CROCC2: variants seen among roughly 807,000 people sequenced by gnomAD.
The protein encoded by CROCC2 is ciliary rootlet coiled-coil, rootletin family member 2, also known as ciliary rootlet coiled-coil protein 2.
CROCC2 carries 163 observed loss-of-function variants against 177.6 expected under a neutral mutation model. That is an observed-to-expected ratio of 0.92 (90% CI 0.81 to 1.05). The LOEUF is 1.05. Ranked by LOEUF, CROCC2 falls within the 50% of genes least tolerant of loss-of-function variation. The pLI is 0.00. For synonymous variants in CROCC2, 904 were observed against 787.3 expected, an observed-to-expected ratio of 1.15 and a Z score of -2.48; for missense variants, 1,929 against 1,797.8, an observed-to-expected ratio of 1.07 and a Z score of -1.32.
chr2:240,933,668 A>G lies in CROCC2; in HGVS notation c.1464-2A>G. 1.3e-6 allele frequency: 2 copies of G among 1,549,930 alleles called. No individual in the cohort carries two copies. The highest frequency in any genetic ancestry group is 1.7e-6 in the Non-Finnish European group (2 of 1,146,564). On this transcript the variant is annotated splice_acceptor_variant, in intron 10 of 31. Coordinates refer to ENST00000690015, the MANE Select transcript of CROCC2 (RefSeq NM_001351305.2). LOFTEE classifies it high-confidence loss of function. ...CCCCAACTCTGCCCCCACCATCCCC[A>G]GGGAGAAGGCTGCTCTGGAGATGGT...
In CROCC2 at chr2:240,963,936, A is replaced by C. The variant is rs902602132; in HGVS notation, c.3305+163A>C. The C allele has an allele frequency of 8.9e-5, 64 of 720,586 alleles. No homozygotes were observed. In the Admixed American group the frequency reaches 1.6e-3, roughly 18 times the overall value. 44.6% of individuals were successfully genotyped at this position (720,586 alleles called of 1,614,324 possible). A position where few individuals can be genotyped will look rare whatever the true frequency, so the allele number is the denominator to read the frequency against. On this transcript the variant is annotated intron_variant, in intron 21 of 31. Coordinates refer to ENST00000690015, the MANE Select transcript of CROCC2 (RefSeq NM_001351305.2). ...AAGCAGGCCTCCCGCTGCCCAGTCC[A>C]AGAGGTCTGCAATGCTGGCCAGTGC...
intron 5 of CROCC2, 88 bp downstream of exon 5, chr2:240,925,968 A>G (rs2059393341): frequency 4.8e-6 from 3 of 619,386 alleles, no homozygotes; most frequent in Admixed American, 2.6e-5. Flanking sequence ...GTGAGGGTGC[A>G]CTGGCTCAGT....
At chr2:240,913,275 C>A (rs1196296678) in intron 1 of CROCC2, among the ~76,000 whole-genome samples, 1 of 152,032 alleles carries the variant, frequency 6.6e-6, no homozygotes. Flanking sequence ...CCTTTGCTTC[C>A]ACAGCTCCCT....
At position 240,909,479 on chromosome 2, in the gene CROCC2, C is replaced by T. The variant is rs370565223; in HGVS notation, c.78+2888C>T. On this transcript the variant is annotated intron_variant, in intron 1 of 31. Coordinates refer to ENST00000690015, the MANE Select transcript of CROCC2 (RefSeq NM_001351305.2). The stretch of plus-strand genomic sequence containing the variant: ...TGGAGGCTGGAGAGCCAGCACACTA[C>T]GTTTGCAGGACACTTGCAGCCCTGT... Among the ~76,000 whole-genome samples the T allele has an allele frequency of 1.5e-4, 23 of 152,358 alleles. No homozygotes were observed. The South Asian group carries it at 3.3e-3, about 22-fold the overall frequency.
At chr2:240,929,032 A>G (rs1363566659) in intron 5 of CROCC2, among the ~76,000 whole-genome samples, 1 of 150,384 alleles carries the variant, frequency 6.6e-6, no homozygotes, top group African/African-American at 2.5e-5. Flanking sequence ...ATGGGCACAG[A>G]GGGGCATGCC....
intron 20 of CROCC2, 149 bp downstream of exon 20, chr2:240,959,593 G>A (rs2059617793): frequency 1.9e-6 from 2 of 1,061,498 alleles, no homozygotes; most frequent in Non-Finnish European, 2.6e-6. Flanking sequence ...CTAGGAAGAG[G>A]CAAACAGCCA....
At chr2:240,981,343 G>T (rs1212753924) in intron 27 of CROCC2, among the ~76,000 whole-genome samples, 2 of 152,206 alleles carry the variant, frequency 1.3e-5, no homozygotes, top group African/African-American at 4.8e-5. Context: ...TGGGGGAGAA[G>T]GGCTGGGGTT....
Position 240,906,547 on chromosome 2 carries a change from G to C in CROCC2, c.34G>C (p.Asp12His), listed in dbSNP as rs779056026. Residue 12 changes from aspartate (D) to histidine (H), a missense_variant, in exon 1 of 32, where the codon GAC (aspartate) becomes CAC (histidine). This residue lies in a region of CROCC2 where 1,397 missense variants were observed against 1,239.9 expected (regional missense o/e 1.13). Transcript: ENST00000690015. The part of the protein sequence containing the change: ...SSASSEPGNG[D>H]ASQQPLLGLD... The stretch of plus-strand genomic sequence containing the variant: ...TGCCTCCAGTGAGCCTGGCAATGGG[G>C]ACGCCTCCCAACAGCCCCTACTGGG... The C allele has an allele frequency of 3.3e-5, 13 of 399,054 alleles. No homozygotes were observed. The highest frequency in any genetic ancestry group is 5.7e-5 in the Non-Finnish European group (13 of 226,156). The allele number at this position is 399,054 out of a possible 1,614,324, so 24.7% of individuals were successfully genotyped here.
At chr2:240,962,362 G>C (rs1267187907) in intron 20 of CROCC2, among the ~76,000 whole-genome samples, 1 of 152,112 alleles carries the variant, frequency 6.6e-6, no homozygotes, top group South Asian at 2.1e-4. Flanking sequence ...TCTCCTCTGC[G>C]CTGGGAAATG....
Position 240,989,694 on chromosome 2 carries a change from T to C in CROCC2, c.4724T>C (p.Leu1575Pro), listed in dbSNP as rs1364666961. The C allele has an allele frequency of 5.8e-6, 9 of 1,549,722 alleles. No homozygotes were observed. The highest frequency in any genetic ancestry group is 7.9e-6 in the Non-Finnish European group (9 of 1,146,496). The change falls in exon 30 of 32, where the codon CTC becomes CCC. Residue 1575 changes from leucine (L) to proline (P), a missense_variant. Around this residue, in one of 3 missense-constraint regions of CROCC2, gnomAD observed 388 missense variants for 352.7 expected, o/e 1.10. Coordinates refer to ENST00000690015, the MANE Select transcript of CROCC2 (RefSeq NM_001351305.2). ...TEMEQAHTQR[L>P]QDLTAQHQRD... Reference sequence around the variant, plus strand: ...ATGGAGCAGGCCCACACCCAGCGGCTCCAGGACCTGACAGCTCAGCACCAG... The same window carrying C: ...ATGGAGCAGGCCCACACCCAGCGGCCCCAGGACCTGACAGCTCAGCACCAG...
At chr2:240,951,246 T>C (rs1453885119) in intron 18 of CROCC2, among the ~76,000 whole-genome samples, 1 of 149,538 alleles carries the variant, frequency 6.7e-6, no homozygotes, top group East Asian at 2.0e-4. Context: ...CATCCATCTG[T>C]CCATCCATTC....
chr2:240,918,676 G>A lies in CROCC2; in HGVS notation c.79-50G>A, dbSNP rs74000115. On this transcript the variant is annotated intron_variant, in intron 1 of 31. Transcript: ENST00000690015. This position sits in a 1 kb window ranked among gnomAD's most constrained non-coding sequence, Gnocchi z 6.3. ...TCAGTGGGATCGTAGAGGGTGCCTG[G>A]CAGCTGTTGGGGGCTGCCATCTCCA... 1,244 of 538,618 alleles carry A rather than the reference G, an allele frequency of 2.3e-3. 11 individuals are homozygous for A. In the African/African-American group the frequency reaches 0.023, roughly 10 times the overall value. 33.4% of individuals were successfully genotyped at this position (538,618 alleles called of 1,614,324 possible).
At chr2:240,935,950 A>T (rs1454841560) in intron 14 of CROCC2, among the ~76,000 whole-genome samples, 1 of 152,112 alleles carries the variant, frequency 6.6e-6, no homozygotes, top group Non-Finnish European at 1.5e-5. Flanking sequence ...CTGCACATTC[A>T]CTGGTGCCTC....
intron 20 of CROCC2, chr2:240,959,677 G>A (rs1272429326): frequency 2.4e-5 from 11 of 465,758 alleles, no homozygotes; most frequent in Admixed American, 3.9e-5. Context: ...ATGAAATGGT[G>A]CCTGGCCCAG....
intron 31 of CROCC2, 134 bp from the exon 32 acceptor site, chr2:240,992,932 G>A (rs2059889356): frequency 1.6e-6 from 1 of 625,484 alleles, no homozygotes; most frequent in Non-Finnish European, 3.0e-6. Flanking sequence ...CAGGGCGGGA[G>A]GGAGGAACAG....
intron 14 of CROCC2, among the ~76,000 whole-genome samples, chr2:240,936,536 T>C (rs1047465933): frequency 6.6e-6 from 1 of 152,244 alleles, no homozygotes; most frequent in African/African-American, 2.4e-5. Flanking sequence ...TCTTTTTAAC[T>C]GCATAGTTAT....
intron 14 of CROCC2, among the ~76,000 whole-genome samples, chr2:240,942,012 T>G (rs1169306906): frequency 6.6e-6 from 1 of 152,238 alleles, no homozygotes; most frequent in Non-Finnish European, 1.5e-5. Context: ...AGGCACAGCC[T>G]TGGAAGCAGA....
At position 240,968,166 on chromosome 2, in the gene CROCC2, G is replaced by A; in HGVS notation, c.4305G>A (p.Arg1435=). 2 of 1,527,312 alleles carry A rather than the reference G, an allele frequency of 1.3e-6. No individual in the cohort carries two copies. The highest frequency in any genetic ancestry group is 1.8e-6 in the Non-Finnish European group (2 of 1,141,440). The allele number at this position is 1,527,312 out of a possible 1,614,324, so 94.6% of individuals were successfully genotyped here. Residue 1435 remains arginine, a synonymous_variant, in exon 27 of 32, where the codon CGG becomes CGA. Transcript: ENST00000690015. Reference sequence around the variant, plus strand: ...TGGAGGGCGCGCTGAGCAGCGCCCGGGCAGCACGTGCCCTGCAGAAGGAGG... The same window carrying A: ...TGGAGGGCGCGCTGAGCAGCGCCCGAGCAGCACGTGCCCTGCAGAAGGAGG... ...RRVEGALSSA[R]AARALQKEAL...
intron 27 of CROCC2, among the ~76,000 whole-genome samples, chr2:240,976,980 A>T (rs1388112648): frequency 2.6e-5 from 1 of 39,118 alleles, no homozygotes. Context: ...TAGGAGCCTC[A>T]GGATCCCAGG....
Sources: allele counts gnomAD v4.1 joint callset (sites outside exome capture counted in the v4.1 genomes callset), GRCh38; gene constraint gnomAD v4.1.1; regional missense constraint gnomAD v4.1.1; non-coding constraint Gnocchi (gnomAD v3.1); transcripts MANE v1.5; gene names NCBI Gene and HGNC (gene_info 2026-07-23, HGNC 2026-07-21).